The following ATP1A1 variants were observed in gnomAD, a reference collection of about 807,000 sequenced individuals.
ATP1A1 encodes sodium/potassium-transporting ATPase subunit alpha-1.
ATP1A1 carries 14 observed loss-of-function variants against 114.8 expected under a neutral mutation model. That is an observed-to-expected ratio of 0.12 (90% CI 0.08 to 0.19). The LOEUF is 0.19. Among genes scored for constraint, ATP1A1 ranks in the 10% least tolerant of loss-of-function variants. ATP1A1 has a pLI of 1.00. For missense variants in ATP1A1, 524 were observed against 1,290.7 expected (o/e 0.41, Z 9.10); for synonymous variants, 471 against 466.3 (o/e 1.01, Z -0.13).
At position 116,373,370 on chromosome 1, in the gene ATP1A1, T is replaced by TACCCCCCC; in HGVS notation, c.-142_-141insACCCCCCC. On this transcript the variant is annotated 5_prime_UTR_variant, in exon 1 of 23. Coordinates refer to ENST00000295598, the MANE Select transcript of ATP1A1 (RefSeq NM_000701.8). ...CATCGGCCCGAGCCGCCGGCCGCCCTCCCACCCTCCCGCCCCGCGGCAGCC... is the reference window on the plus strand; with the variant it reads ...CATCGGCCCGAGCCGCCGGCCGCCCTACCCCCCCCCCACCCTCCCGCCCCGCGGCAGCC... 1 of 333,836 alleles carries TACCCCCCC rather than the reference T, an allele frequency of 3.0e-6. No homozygotes were observed. The highest frequency in any genetic ancestry group is 5.2e-6 in the Non-Finnish European group (1 of 191,792). 20.7% of individuals were successfully genotyped at this position (333,836 alleles called of 1,614,324 possible).
Position 116,377,524 on chromosome 1 carries a change from C to T in ATP1A1, c.12+4001C>T, listed in dbSNP as rs544973282. Among the ~76,000 whole-genome samples the T allele has an allele frequency of 3.0e-4, 46 of 152,312 alleles. 1 individual carries two copies. The highest frequency in any genetic ancestry group is 6.2e-4 in the South Asian group (3 of 4,824). On this transcript the variant is annotated intron_variant, in intron 1 of 22. Coordinates refer to ENST00000295598, the MANE Select transcript of ATP1A1 (RefSeq NM_000701.8). ...TTGACATTATTGCAACTGTTATCTT[C>T]GCTCAACAAGCAAATCTCCTGTTTA...
rs1314731434 is a variant in ATP1A1 at position 116,389,072 on chromosome 1, A to T, written c.754+53A>T. On this transcript the variant is annotated intron_variant, in intron 7 of 22. Transcript: ENST00000295598. The surrounding 1 kb of genome is among the most constrained non-coding windows in gnomAD (Gnocchi z 6.9). ...TGGCGTGGTATTTCTCTTGGGCATT[A>T]ACAAAATCAAAACCATAGGCACAAT... 1.4e-6 allele frequency: 2 copies of T among 1,478,308 alleles called. No individual in the cohort carries two copies. The highest frequency in any genetic ancestry group is 2.8e-5 in the African/African-American group (2 of 71,030). The allele number at this position is 1,478,308 out of a possible 1,614,324, so 91.6% of individuals were successfully genotyped here.
At chr1:116,373,778 C>CG in intron 1 of ATP1A1, 1 of 793,230 alleles carries the variant, frequency 1.3e-6, no homozygotes, top group Non-Finnish European at 1.4e-6. Context: ...GGACCCTGGG[C>CG]GGGGGCTGCG....
intron 1 of ATP1A1, among the ~76,000 whole-genome samples, chr1:116,377,170 T>C (rs1405774042): frequency 6.6e-6 from 1 of 152,202 alleles, no homozygotes; most frequent in Non-Finnish European, 1.5e-5. Flanking sequence ...TAAAATAAAA[T>C]AAAAGCCCTG....
In ATP1A1 at chr1:116,388,779, CT is replaced by C. The variant is rs1570955799; in HGVS notation, c.636+11del. On this transcript the variant is annotated splice_region_variant and intron_variant, in intron 6 of 22. Transcript: ENST00000295598. This position sits in a 1 kb window ranked among gnomAD's most constrained non-coding sequence, Gnocchi z 5.6. Reference sequence around the variant, plus strand: ...ATCTGCAAATGGCTGCAAGGTAGCTCTTTTATTTTAACAAACCTCATAGCTA... The same window carrying C: ...ATCTGCAAATGGCTGCAAGGTAGCTCTTTATTTTAACAAACCTCATAGCTA... 1 of 1,614,028 alleles carries C rather than the reference CT, an allele frequency of 6.2e-7. No individual in the cohort carries two copies. The highest frequency in any genetic ancestry group is 2.2e-5 in the East Asian group (1 of 44,886).
In ATP1A1 at chr1:116,395,329, G is replaced by GGACA. The variant is rs1382252974; in HGVS notation, c.1836+45_1836+48dup. 2.5e-6 allele frequency: 4 copies of GGACA among 1,601,198 alleles called. No individual in the cohort carries two copies. In the African/African-American group the frequency reaches 4.0e-5, roughly 16 times the overall value. Reference sequence around the variant, plus strand: ...CTTGGCTTCATCTCTTAGTGCCTTGGGACACCCTACTCAGTGAATGTTGCC... The same window carrying GGACA: ...CTTGGCTTCATCTCTTAGTGCCTTGGGACAGACACCCTACTCAGTGAATGTTGCC... On this transcript the variant is annotated intron_variant, in intron 13 of 22. Transcript: ENST00000295598. The surrounding 1 kb of genome is among the most constrained non-coding windows in gnomAD (Gnocchi z 6.4).
Position 116,401,376 on chromosome 1 carries a change from G to GT in ATP1A1, c.2849+119dup. 6.5e-7 allele frequency: 1 copy of GT among 1,541,096 alleles called. No homozygotes were observed. The highest frequency in any genetic ancestry group is 8.8e-7 in the Non-Finnish European group (1 of 1,136,576). On this transcript the variant is annotated intron_variant, in intron 20 of 22. Transcript: ENST00000295598. The surrounding 1 kb of genome is among the most constrained non-coding windows in gnomAD (Gnocchi z 4.7). ...TATAGCCAGGTTTCTGGAATCTCTA[G>GT]TTTATAGAGCAAATTTAGGAAGCAA... is the stretch of plus-strand genomic sequence containing the variant.
Position 116,401,915 on chromosome 1 carries a change from C to G in ATP1A1, c.2951+260C>G. The G allele has an allele frequency of 2.0e-6, 1 of 500,750 alleles. No individual in the cohort carries two copies. The highest frequency in any genetic ancestry group is 3.5e-6 in the Non-Finnish European group (1 of 281,756). The allele number at this position is 500,750 out of a possible 1,614,324, so 31.0% of individuals were successfully genotyped here. A position where few individuals can be genotyped will look rare whatever the true frequency, so the allele number is the denominator to read the frequency against. ...CAGGCTCTAGCTCCATGGAACTGCT[C>G]AACAGCGAACTGCATTGAGCACTCA... On this transcript the variant is annotated intron_variant, in intron 21 of 22. Coordinates refer to ENST00000295598, the MANE Select transcript of ATP1A1 (RefSeq NM_000701.8). The surrounding 1 kb of genome is among the most constrained non-coding windows in gnomAD (Gnocchi z 4.7).
Position 116,404,685 on chromosome 1 carries a change from T to C in ATP1A1, c.*241T>C. On this transcript the variant is annotated 3_prime_UTR_variant, in exon 23 of 23. Transcript: ENST00000295598. The surrounding 1 kb of genome is among the most constrained non-coding windows in gnomAD (Gnocchi z 4.8). ...CGGGGAAGGTTTTTATGTGCCTTTT[T>C]GTTTTTGTAAAAAAGGAACACCCGG... 1 of 1,286,658 alleles carries C rather than the reference T, an allele frequency of 7.8e-7. No individual in the cohort carries two copies. Among genetic ancestry groups the C allele is most frequent in the Non-Finnish European group, 9.8e-7 (1 of 1,021,968 alleles). The allele number at this position is 1,286,658 out of a possible 1,614,324, so 79.7% of individuals were successfully genotyped here.
rs2101034408 is a variant in ATP1A1 at position 116,381,123 on chromosome 1, A to C, written c.13-2891A>C. Among the ~76,000 whole-genome samples the C allele has an allele frequency of 6.6e-6, 1 of 152,332 alleles. No homozygotes were observed. The highest frequency in any genetic ancestry group is 1.5e-5 in the Non-Finnish European group (1 of 68,030). On this transcript the variant is annotated intron_variant, in intron 1 of 22. Transcript: ENST00000295598. This position sits in a 1 kb window ranked among gnomAD's most constrained non-coding sequence, Gnocchi z 5.1. ...GGGGGGAAGTGACCTGAACTTTCTA[A>C]TTGAAAAAGTAGGAAGTGTGTGCCC...
chr1:116,379,277 C>T (rs1319676493), intron 1 of ATP1A1, among the ~76,000 whole-genome samples: 1 of 152,224 alleles, frequency 6.6e-6, no homozygotes, highest in Non-Finnish European at 1.5e-5. Flanking sequence ...AAGGGATCTA[C>T]TGCTTTGGCC....
intron 1 of ATP1A1, among the ~76,000 whole-genome samples, chr1:116,375,266 T>A (rs1329281407): frequency 6.6e-6 from 1 of 152,252 alleles, no homozygotes; most frequent in Non-Finnish European, 1.5e-5. Flanking sequence ...GCGTCCCTGA[T>A]TCTTGAACAG....
At chr1:116,382,052 A>G (rs930918250) in intron 1 of ATP1A1, among the ~76,000 whole-genome samples, 1 of 152,136 alleles carries the variant, frequency 6.6e-6, no homozygotes, top group African/African-American at 2.4e-5. Flanking sequence ...GCGAGCGCCT[A>G]TAATCCCAGC....
intron 1 of ATP1A1, among the ~76,000 whole-genome samples, chr1:116,382,097 C>T (rs1034890935): frequency 2.6e-5 from 4 of 152,138 alleles, no homozygotes; most frequent in African/African-American, 4.8e-5. Context: ...TTGCTTGAAC[C>T]CTTGGGCGGA....
At position 116,389,553 on chromosome 1, in the gene ATP1A1, A is replaced by G. The variant is rs1652305594; in HGVS notation, c.869A>G (p.His290Arg). 6.2e-7 allele frequency: 1 copy of G among 1,614,018 alleles called. No homozygotes were observed. Residue 290 changes from histidine to arginine, a missense_variant, in exon 8 of 23, where the codon CAT becomes CGT. By Grantham distance (29) the His-to-Arg change is conservative. Transcript: ENST00000295598. The surrounding 1 kb of genome is among the most constrained non-coding windows in gnomAD (Gnocchi z 6.9). Reference sequence around the variant, plus strand: ...ACCCCCATTGCTGCAGAAATTGAACATTTTATCCACATCATCACGGGTGTG... The same window carrying G: ...ACCCCCATTGCTGCAGAAATTGAACGTTTTATCCACATCATCACGGGTGTG... Reference protein sequence around the residue: ...GQTPIAAEIEHFIHIITGVAV... With the variant: ...GQTPIAAEIERFIHIITGVAV...
chr1:116,373,555 C>T (rs1172379580), intron 1 of ATP1A1, 32 bp downstream of exon 1: 5 of 1,433,198 alleles, frequency 3.5e-6, no homozygotes, highest in Admixed American at 3.0e-5. Context: ...GGAGGGGGCT[C>T]GGGGAGCCCT....
At position 116,395,297 on chromosome 1, in the gene ATP1A1, G is replaced by A. The variant is rs1314342647; in HGVS notation, c.1836+12G>A. ...GTGCTGGAATTAAGGTAGTGCCCAG[G>A]CGCCTCCTTGGCTTCATCTCTTAGT... On this transcript the variant is annotated intron_variant, in intron 13 of 22. Coordinates refer to ENST00000295598, the MANE Select transcript of ATP1A1 (RefSeq NM_000701.8). The surrounding 1 kb of genome is among the most constrained non-coding windows in gnomAD (Gnocchi z 6.4). 1 of 1,612,942 alleles carries A rather than the reference G, an allele frequency of 6.2e-7. No homozygotes were observed. The highest frequency in any genetic ancestry group is 2.2e-5 in the East Asian group (1 of 44,854).
chr1:116,392,823 G>A, intron 10 of ATP1A1, 31 bp from the exon 11 acceptor site: 1 of 1,582,830 alleles, frequency 6.3e-7, no homozygotes. Context: ...ATTTTTTGGA[G>A]ATAATTTACA....
At position 116,390,771 on chromosome 1, in the gene ATP1A1, G is replaced by A. The variant is rs1652403990; in HGVS notation, c.1223-11G>A. ...CATTGTTGTTCTGTTGTGTTTTCTT[G>A]CCTCCATCAGGTGTCTCTTTTGACA... On this transcript the variant is annotated splice_polypyrimidine_tract_variant and intron_variant, in intron 9 of 22. Coordinates refer to ENST00000295598, the MANE Select transcript of ATP1A1 (RefSeq NM_000701.8). 6.2e-7 allele frequency: 1 copy of A among 1,609,198 alleles called. No individual in the cohort carries two copies. The highest frequency in any genetic ancestry group is 1.3e-5 in the African/African-American group (1 of 74,892).
Sources: allele counts gnomAD v4.1 joint callset (sites outside exome capture counted in the v4.1 genomes callset), GRCh38; gene constraint gnomAD v4.1.1; non-coding constraint Gnocchi (gnomAD v3.1); transcripts MANE v1.5; gene names NCBI Gene and HGNC (gene_info 2026-07-23, HGNC 2026-07-21).